ASTN1: variants seen among roughly 807,000 people sequenced by gnomAD.
ASTN1 encodes astrotactin-1.
ASTN1 carries 41 observed loss-of-function variants against 140.7 expected under a neutral mutation model. The ratio of observed to expected loss-of-function variants is 0.29; its 90% CI spans 0.23 to 0.38. The LOEUF (loss-of-function observed/expected upper bound fraction) is 0.38, where lower values mean the gene tolerates loss of function less well. Ranked by LOEUF, ASTN1 falls within the 10% of genes least tolerant of loss-of-function variation. The pLI, the probability that ASTN1 is intolerant of heterozygous loss-of-function variation, is 1.00. For missense variants in ASTN1, 1,479 were observed against 1,678.8 expected (o/e 0.88, Z 2.08); for synonymous variants, 640 against 652.2 (o/e 0.98, Z 0.29).
chr1:177,094,747 G>A (rs942974043), intron 1 of ASTN1, among the ~76,000 whole-genome samples: 1 of 152,172 alleles, frequency 6.6e-6, no homozygotes, highest in African/African-American at 2.4e-5. Flanking sequence ...TTCAAATTGG[G>A]TAATGAGTAA....
At chr1:177,144,629 C>A (rs1682640186) in intron 1 of ASTN1, among the ~76,000 whole-genome samples, 1 of 148,472 alleles carries the variant, frequency 6.7e-6, no homozygotes, top group Admixed American at 6.8e-5. Context: ...TAGAGGTAAT[C>A]TGGTCTAATT....
At chr1:177,031,411 G>C (rs1054294771) in intron 3 of ASTN1, among the ~76,000 whole-genome samples, 1 of 152,146 alleles carries the variant, frequency 6.6e-6, no homozygotes, top group Non-Finnish European at 1.5e-5. Flanking sequence ...TGTGTTATCT[G>C]TTGGCCTCCT....
chr1:176,947,916 T>C (rs1463989934), intron 12 of ASTN1, among the ~76,000 whole-genome samples: 1 of 152,208 alleles, frequency 6.6e-6, no homozygotes, highest in African/African-American at 2.4e-5. Context: ...TTTATATAAC[T>C]TTGGCTGAAT....
At chr1:176,959,842 T>C (rs1333136992) in intron 9 of ASTN1, among the ~76,000 whole-genome samples, 1 of 152,208 alleles carries the variant, frequency 6.6e-6, no homozygotes. Context: ...ATGTCAGAGA[T>C]GCTTCTGACT....
At chr1:177,057,789 T>G (rs538398999) in intron 2 of ASTN1, among the ~76,000 whole-genome samples, 2 of 152,208 alleles carry the variant, frequency 1.3e-5, no homozygotes, top group Non-Finnish European at 2.9e-5. Flanking sequence ...TTAATTTAAG[T>G]GCATTTCACT....
intron 1 of ASTN1, among the ~76,000 whole-genome samples, chr1:177,147,395 A>T (rs1174596860): frequency 1.3e-5 from 2 of 152,168 alleles, no homozygotes; most frequent in Non-Finnish European, 2.9e-5. Context: ...GGACACAGAT[A>T]ACTAAGAAAC....
In ASTN1 at chr1:176,997,735, A is replaced by T. The variant is rs143382413; in HGVS notation, c.1523+17056T>A. Among the ~76,000 whole-genome samples the T allele has an allele frequency of 1.5e-3, 236 of 152,294 alleles. 1 individual carries two copies. Among genetic ancestry groups the T allele is most frequent in the African/African-American group, 5.5e-3 (229 of 41,564 alleles). Reference sequence around the variant, plus strand: ...AGCACAGGTCAAGACAAGGGATAGAAATAAGACAAGGCACGCTGGGACGAT... The same window carrying T: ...AGCACAGGTCAAGACAAGGGATAGATATAAGACAAGGCACGCTGGGACGAT... On this transcript the variant is annotated intron_variant, in intron 8 of 22. Transcript: ENST00000361833.
intron 1 of ASTN1, among the ~76,000 whole-genome samples, chr1:177,116,639 C>T (rs1487320643): frequency 6.6e-6 from 1 of 152,100 alleles, no homozygotes; most frequent in Non-Finnish European, 1.5e-5. Flanking sequence ...TCCTGTAATG[C>T]CTTCTGCCTC....
At chr1:176,887,927 C>T in intron 18 of ASTN1, 144 bp downstream of exon 18, 2 of 1,194,898 alleles carry the variant, frequency 1.7e-6, no homozygotes, top group South Asian at 1.6e-5. Flanking sequence ...GTGCTGCCTC[C>T]CTTGGTAGAT....
chr1:176,907,612 A>G (rs1045138152), intron 16 of ASTN1, among the ~76,000 whole-genome samples: 15 of 152,242 alleles, frequency 9.9e-5, no homozygotes, highest in African/African-American at 3.6e-4. Flanking sequence ...ATACTTGACC[A>G]AAGAATAGAT....
chr1:177,090,031 A>C (rs748062072), intron 1 of ASTN1, among the ~76,000 whole-genome samples: 5 of 151,204 alleles, frequency 3.3e-5, no homozygotes, highest in African/African-American at 9.7e-5. Flanking sequence ...ACACACACAC[A>C]CCCCCCTCAA....
intron 21 of ASTN1, among the ~76,000 whole-genome samples, chr1:176,874,205 AG>A (rs1248151925): frequency 6.6e-6 from 1 of 152,188 alleles, no homozygotes; most frequent in Non-Finnish European, 1.5e-5. Flanking sequence ...CAATGAAATA[AG>A]GGTGTCATGG....
At chr1:177,078,927 G>A (rs762153498) in intron 1 of ASTN1, among the ~76,000 whole-genome samples, 2 of 152,020 alleles carry the variant, frequency 1.3e-5, no homozygotes, top group Non-Finnish European at 2.9e-5. Flanking sequence ...AAGGGATACT[G>A]TCATGTAAAA....
chr1:176,987,496 C>T (rs1195560608), intron 8 of ASTN1, among the ~76,000 whole-genome samples: 1 of 152,198 alleles, frequency 6.6e-6, no homozygotes, highest in African/African-American at 2.4e-5. Context: ...CCATTTCCTA[C>T]TAGGTAAAAT....
chr1:177,098,221 C>A (rs1680124312), intron 1 of ASTN1, among the ~76,000 whole-genome samples: 1 of 151,852 alleles, frequency 6.6e-6, no homozygotes, highest in Admixed American at 6.6e-5. Context: ...CATGCTAACT[C>A]CAGGTAGTTA....
At chr1:176,942,316 T>C (rs902145289) in intron 14 of ASTN1, among the ~76,000 whole-genome samples, 1 of 152,154 alleles carries the variant, frequency 6.6e-6, no homozygotes, top group Non-Finnish European at 1.5e-5. Context: ...GTAATGTGTC[T>C]AGATCACACA....
chr1:176,925,930 C>A (rs1023381208), intron 16 of ASTN1, among the ~76,000 whole-genome samples: 1 of 151,884 alleles, frequency 6.6e-6, no homozygotes, highest in African/African-American at 2.4e-5. Flanking sequence ...CTCAGCCTCC[C>A]GAGTAGCTGG....
chr1:177,038,135 T>C (rs1328070270), intron 2 of ASTN1, among the ~76,000 whole-genome samples: 1 of 152,228 alleles, frequency 6.6e-6, no homozygotes, highest in African/African-American at 2.4e-5. Flanking sequence ...TTATCTGACC[T>C]GTATATTCAT....
chr1:176,934,309 C>G lies in ASTN1; in HGVS notation c.2514G>C (p.Gly838=). ...ALSNALHSLD[G]ATSRADFVAL... is the part of the protein sequence containing the mutation. ...CCACAAAATCTGCACGAGATGTAGCCCCATCCAGCGAGTGGAGAGCATTGC... is the reference window on the plus strand; with the variant it reads ...CCACAAAATCTGCACGAGATGTAGCGCCATCCAGCGAGTGGAGAGCATTGC... Residue 838 remains glycine, a synonymous_variant, in exon 16 of 23, where the codon GGG becomes GGC. Coordinates refer to ENST00000361833, the MANE Select transcript of ASTN1 (RefSeq NM_004319.3). The G allele has an allele frequency of 1.9e-6, 3 of 1,613,498 alleles. No individual in the cohort carries two copies. Among genetic ancestry groups the G allele is most frequent in the Non-Finnish European group, 2.5e-6 (3 of 1,179,548 alleles).
Sources: allele counts gnomAD v4.1 joint callset (sites outside exome capture counted in the v4.1 genomes callset), GRCh38; gene constraint gnomAD v4.1.1; transcripts MANE v1.5; gene names NCBI Gene and HGNC (gene_info 2026-07-23, HGNC 2026-07-21).